PTPN2: variants seen among roughly 807,000 people sequenced by gnomAD.
PTPN2 encodes protein tyrosine phosphatase non-receptor type 2.
In PTPN2, 19 loss-of-function variants were observed where a neutral mutation model predicts 57.3. That is an observed-to-expected ratio of 0.33 (90% CI 0.23 to 0.49). The LOEUF is 0.49. Ranked by LOEUF, PTPN2 falls within the 20% of genes least tolerant of loss-of-function variation. PTPN2 has a pLI of 0.99. For synonymous variants in PTPN2, 153 were observed against 164.9 expected (o/e 0.93, Z 0.55); for missense variants, 358 against 501.1 (o/e 0.71, Z 2.73).
intron 6 of PTPN2, among the ~76,000 whole-genome samples, 159 bp downstream of exon 6, chr18:12,816,997 C>T (rs937962080): frequency 1.3e-5 from 2 of 151,836 alleles, no homozygotes; most frequent in African/African-American, 4.8e-5. Flanking sequence ...GAGGCAGTTG[C>T]AACGGTGGAA....
chr18:12,817,938 C>G (rs571040869), intron 5 of PTPN2, among the ~76,000 whole-genome samples: 2 of 152,180 alleles, frequency 1.3e-5, no homozygotes, highest in South Asian at 4.1e-4. Flanking sequence ...GTCAGGAGTT[C>G]GAGACCAGCC....
In PTPN2 at chr18:12,825,669, A is replaced by C. The variant is rs1035228652; in HGVS notation, c.495+141T>G. Reference sequence around the variant, plus strand: ...AGAAAGCTACTAGATGCAGACACACAATCTAAAAACACGTGATTATGGCTA... The same window carrying C: ...AGAAAGCTACTAGATGCAGACACACCATCTAAAAACACGTGATTATGGCTA... On this transcript the variant is annotated intron_variant, in intron 5 of 8. Transcript: ENST00000309660. 27 of 686,334 alleles carry C rather than the reference A, an allele frequency of 3.9e-5. No individual in the cohort carries two copies. The African/African-American group carries it at 4.8e-4, about 12-fold the overall frequency. 42.5% of individuals were successfully genotyped at this position (686,334 alleles called of 1,614,324 possible).
rs1335821400 is a variant in PTPN2, at chr18:12,831,144, C to G, written c.262-103G>C. The G allele has an allele frequency of 3.3e-5, 23 of 693,800 alleles. No homozygotes were observed. The East Asian group carries it at 6.0e-4, about 18-fold the overall frequency. 43.0% of individuals were successfully genotyped at this position (693,800 alleles called of 1,614,324 possible). A position where few individuals can be genotyped will look rare whatever the true frequency, so the allele number is the denominator to read the frequency against. ...TGCTCCTGGGATGTTACAAGACAGA[C>G]AGCGGACGGGCTTATAAGAAGTAAA... On this transcript the variant is annotated intron_variant, in intron 3 of 8. Coordinates refer to ENST00000309660, the MANE Select transcript of PTPN2 (RefSeq NM_002828.4).
chr18:12,858,147 C>G (rs1366715654), intron 2 of PTPN2, among the ~76,000 whole-genome samples: 1 of 152,074 alleles, frequency 6.6e-6, no homozygotes, highest in Non-Finnish European at 1.5e-5. Context: ...TGAAATGGTT[C>G]AACCTACACA....
chr18:12,834,432 T>C (rs1239543564), intron 3 of PTPN2, among the ~76,000 whole-genome samples: 2 of 152,246 alleles, frequency 1.3e-5, no homozygotes, highest in Admixed American at 1.3e-4. Context: ...TCCTAAGGTT[T>C]AAATTATACA....
At chr18:12,828,517 G>A (rs74397805) in intron 4 of PTPN2, among the ~76,000 whole-genome samples, 3,720 of 152,238 alleles carry the variant, frequency 0.024, 160 homozygotes, top group African/African-American at 0.084. Context: ...GATATGGGAA[G>A]AAGGAAATGA....
intron 2 of PTPN2, among the ~76,000 whole-genome samples, chr18:12,850,383 AG>A (rs988246361): frequency 4.6e-5 from 7 of 151,980 alleles, no homozygotes; most frequent in Admixed American, 4.6e-4. Flanking sequence ...CAGCTACTCG[AG>A]GGGCTGAGGC....
chr18:12,845,969 AAAAG>A (rs2043191558), intron 2 of PTPN2, among the ~76,000 whole-genome samples: 1 of 152,228 alleles, frequency 6.6e-6, no homozygotes, highest in Non-Finnish European at 1.5e-5. Flanking sequence ...TCCTTTAAAC[AAAAG>A]GATACAATCT....
chr18:12,802,281 A>G (rs1248702594), intron 7 of PTPN2, 130 bp from the exon 8 acceptor site: 5 of 746,248 alleles, frequency 6.7e-6, no homozygotes, highest in Non-Finnish European at 1.0e-5. Flanking sequence ...GATGAGTGAA[A>G]AAGAAAAAGG....
At chr18:12,817,104 A>G in intron 6 of PTPN2, 52 bp downstream of exon 6, 1 of 1,530,646 alleles carries the variant, frequency 6.5e-7, no homozygotes. Context: ...AGTGGAAGCA[A>G]TTTAAAAAAA....
At chr18:12,875,188 TC>T (rs2044445251) in intron 1 of PTPN2, among the ~76,000 whole-genome samples, 1 of 152,190 alleles carries the variant, frequency 6.6e-6, no homozygotes, top group Non-Finnish European at 1.5e-5. Flanking sequence ...CTCAGGGTCC[TC>T]TGCCTAGGAA....
Position 12,884,066 on chromosome 18 carries a change from G to T in PTPN2, c.69+7C>A. The T allele has an allele frequency of 6.4e-7, 1 of 1,571,160 alleles. No homozygotes were observed. On this transcript the variant is annotated splice_region_variant and intron_variant, in intron 1 of 8. Coordinates refer to ENST00000309660, the MANE Select transcript of PTPN2 (RefSeq NM_002828.4). Reference sequence around the variant, plus strand: ...GTCGGCGACTGCCGCGTGGGTCCGCGACTCACCAAGTACAGCGGCTGCCAG... The same window carrying T: ...GTCGGCGACTGCCGCGTGGGTCCGCTACTCACCAAGTACAGCGGCTGCCAG...
chr18:12,827,623 G>C (rs937587335), intron 4 of PTPN2, among the ~76,000 whole-genome samples: 9 of 151,496 alleles, frequency 5.9e-5, no homozygotes, highest in Non-Finnish European at 1.0e-4. Context: ...GGGCTCAAGT[G>C]ACCCTCCTGC....
intron 7 of PTPN2, among the ~76,000 whole-genome samples, chr18:12,808,144 G>A (rs1236265037): frequency 6.6e-6 from 1 of 151,844 alleles, no homozygotes; most frequent in Non-Finnish European, 1.5e-5. Context: ...CCATGATCGT[G>A]CCACTGTACA....
At chr18:12,826,669 A>G (rs1385889920) in intron 4 of PTPN2, among the ~76,000 whole-genome samples, 2 of 151,930 alleles carry the variant, frequency 1.3e-5, no homozygotes, top group Non-Finnish European at 2.9e-5. Flanking sequence ...CCTGGGTTCA[A>G]GCAATTCTCC....
chr18:12,839,728 A>ACTC (rs2042983330), intron 2 of PTPN2, among the ~76,000 whole-genome samples: 1 of 152,176 alleles, frequency 6.6e-6, no homozygotes, highest in Non-Finnish European at 1.5e-5. Context: ...CTTGTCACTG[A>ACTC]GTAAATGAAG....
intron 2 of PTPN2, among the ~76,000 whole-genome samples, chr18:12,852,836 C>G: frequency 6.6e-6 from 1 of 152,192 alleles, no homozygotes; most frequent in Non-Finnish European, 1.5e-5. Flanking sequence ...TCCAGACCGG[C>G]TGAATCCAAA....
chr18:12,866,788 A>G (rs776221566), intron 1 of PTPN2, among the ~76,000 whole-genome samples: 62 of 152,226 alleles, frequency 4.1e-4, no homozygotes, highest in Non-Finnish European at 7.2e-4. Context: ...GCAAATCACG[A>G]GGTCAGGAGA....
Position 12,870,462 on chromosome 18 carries a change from TAGAGAGAGAGAGAGAG to T in PTPN2, c.70-11224_70-11209del, listed in dbSNP as rs762120431. 4.5e-4 allele frequency among the ~76,000 whole-genome samples: 8 copies of T among 17,714 alleles called. 1 individual carries two copies. The highest frequency in any genetic ancestry group is 3.9e-3 in the African/African-American group (8 of 2,068). 11.6% of individuals were successfully genotyped at this position (17,714 alleles called of 152,430 possible). A position where few individuals can be genotyped will look rare whatever the true frequency, so the allele number is the denominator to read the frequency against. On this transcript the variant is annotated intron_variant, in intron 1 of 8. Transcript: ENST00000309660. Reference sequence around the variant, plus strand: ...ATGTGTATATATATATATATATATATAGAGAGAGAGAGAGAGAGAGAGAGAGAGAGAGAGAGAAAAG... The same window carrying T: ...ATGTGTATATATATATATATATATATAGAGAGAGAGAGAGAGAGAGAAAAG...
Sources: gnomAD v4.1 joint callset for allele counts (sites outside exome capture counted in the v4.1 genomes callset) on GRCh38, gnomAD v4.1.1 for gene constraint, MANE v1.5 for transcripts, NCBI Gene and HGNC (gene_info 2026-07-23, HGNC 2026-07-21) for gene names.